Variants in ANXA8 observed in about 807,000 individuals in gnomAD.
ANXA8 encodes VAC-beta.
A neutral mutation model predicts 26.8 loss-of-function variants in ANXA8; 9 were observed. The ratio of observed to expected loss-of-function variants is 0.34; its 90% CI spans 0.20 to 0.59. The LOEUF is 0.59. Ranked by LOEUF, ANXA8 falls within the 20% of genes least tolerant of loss-of-function variation. The pLI is 0.84. For synonymous variants in ANXA8, 39 were observed against 94.8 expected, an observed-to-expected ratio of 0.41 and a Z score of 3.42; for missense variants, 83 against 238.5, an observed-to-expected ratio of 0.35 and a Z score of 4.29.
chr10:47,705,967 G>A, the ANXA8 span, among the ~76,000 whole-genome samples: 1 of 150,948 alleles, frequency 6.6e-6, no homozygotes. Flanking sequence ...GCGAAGAGGG[G>A]CGGTGCTGAC....
chr10:47,587,414 T>C, the ANXA8 span, among the ~76,000 whole-genome samples: 2 of 147,608 alleles, frequency 1.4e-5, no homozygotes, highest in Non-Finnish European at 2.9e-5. Flanking sequence ...CCCATCATCA[T>C]CATGGTCATT....
At chr10:47,497,413 G>A in the ANXA8 span, among the ~76,000 whole-genome samples, 1 of 140,016 alleles carries the variant, frequency 7.1e-6, no homozygotes, top group Non-Finnish European at 1.5e-5. Context: ...GTCAGGAGTT[G>A]GAGACCAGCC....
chr10:47,955,479 T>C, the ANXA8 span, among the ~76,000 whole-genome samples: 2 of 149,912 alleles, frequency 1.3e-5, no homozygotes, highest in Admixed American at 6.6e-5. Context: ...CTCTATGGCA[T>C]AGCCTGTTGC....
chr10:47,983,644 T>TAAACCTTCCCTTGC, the ANXA8 span, among the ~76,000 whole-genome samples: 7 of 71,510 alleles, frequency 9.8e-5, no homozygotes, highest in African/African-American at 3.3e-4. Flanking sequence ...GGTATTTTCC[T>TAAACCTTCCCTTGC]TCTGTACTGA....
chr10:47,749,223 G>C, the ANXA8 span, among the ~76,000 whole-genome samples: 6 of 86,262 alleles, frequency 7.0e-5, no homozygotes, highest in African/African-American at 2.1e-4. Flanking sequence ...GACAGAGTGA[G>C]ACCCTGTCTC....
At chr10:47,932,732 GTCTCTC>G in the ANXA8 span, among the ~76,000 whole-genome samples, 304 of 86,378 alleles carry the variant, frequency 3.5e-3, 11 homozygotes, top group East Asian at 0.061. Flanking sequence ...CTGTCTTTCT[GTCTCTC>G]TCTCTCTCTC....
the ANXA8 span, among the ~76,000 whole-genome samples, chr10:47,686,491 C>T: frequency 3.7e-4 from 57 of 152,006 alleles, no homozygotes; most frequent in African/African-American, 1.2e-3. Context: ...GGATTACAGG[C>T]GTGAGCCAAG....
At chr10:47,900,230 C>A in the ANXA8 span, among the ~76,000 whole-genome samples, 1 of 150,092 alleles carries the variant, frequency 6.7e-6, no homozygotes, top group African/African-American at 2.4e-5. Flanking sequence ...ACTTTCATAT[C>A]AACAACATAC....
the ANXA8 span, among the ~76,000 whole-genome samples, chr10:47,652,223 C>T: frequency 4.6e-5 from 7 of 151,782 alleles, no homozygotes; most frequent in African/African-American, 1.7e-4. Context: ...TAGATGGTTG[C>T]AAAATGTGAA....
the ANXA8 span, among the ~76,000 whole-genome samples, chr10:47,577,238 A>G: frequency 6.8e-6 from 1 of 146,400 alleles, no homozygotes; most frequent in South Asian, 2.1e-4. Flanking sequence ...AAAAAAAAAA[A>G]AAAAACAGGG....
the ANXA8 span, among the ~76,000 whole-genome samples, chr10:47,578,359 T>C: frequency 4.8e-5 from 2 of 41,708 alleles, 1 homozygote; most frequent in Non-Finnish European, 1.0e-4. Context: ...AATGAAAAGA[T>C]ACAAGATAAT....
At chr10:47,969,262 T>G in the ANXA8 span, among the ~76,000 whole-genome samples, 1 of 151,506 alleles carries the variant, frequency 6.6e-6, no homozygotes, top group Non-Finnish European at 1.5e-5. Context: ...GAGAATTGTT[T>G]CAGCTTTCCA....
chr10:47,600,429 AC>A, the ANXA8 span, among the ~76,000 whole-genome samples: 4 of 148,212 alleles, frequency 2.7e-5, no homozygotes, highest in East Asian at 3.9e-4. Flanking sequence ...ATGCCATTCA[AC>A]CCATCGGGAT....
the ANXA8 span, among the ~76,000 whole-genome samples, chr10:47,676,571 G>T: frequency 6.6e-6 from 1 of 151,822 alleles, no homozygotes; most frequent in Non-Finnish European, 1.5e-5. Context: ...GGTGGCACAT[G>T]CTTGAACCCA....
At chr10:47,696,489 TCATCTATTCAGCCTG>T in the ANXA8 span, 1 of 1,372,766 alleles carries the variant, frequency 7.3e-7, no homozygotes, top group South Asian at 1.3e-5. Flanking sequence ...TGGGAGTTAT[TCATCTATTCAGCCTG>T]AAGAATGTAA....
upstream of ANXA8, among the ~76,000 whole-genome samples, chr10:47,486,968 A>C (rs2942997): frequency 6.8e-6 from 1 of 146,146 alleles, no homozygotes; most frequent in Non-Finnish European, 1.5e-5. Flanking sequence ...GCAAGACTCT[A>C]TCTCAAAACA....
upstream of ANXA8, among the ~76,000 whole-genome samples, chr10:47,486,954 C>A (rs1168501778): frequency 2.0e-5 from 3 of 150,714 alleles, no homozygotes; most frequent in Admixed American, 2.0e-4. Flanking sequence ...GCCTGGGCGA[C>A]AGAGCAAGAC....
the ANXA8 span, among the ~76,000 whole-genome samples, chr10:47,694,701 G>A: frequency 4.6e-5 from 7 of 151,840 alleles, no homozygotes; most frequent in African/African-American, 1.5e-4. Context: ...TTACAGGCGC[G>A]AGCCACCGCG....
chr10:47,749,672 A>AG, the ANXA8 span, among the ~76,000 whole-genome samples: 11,583 of 140,116 alleles, frequency 0.083, 752 homozygotes, highest in Admixed American at 0.23. Context: ...AACCAATGGT[A>AG]GGGGGGGAAA....
Sources: allele counts gnomAD v4.1 joint callset (sites outside exome capture counted in the v4.1 genomes callset), GRCh38; gene constraint gnomAD v4.1.1; transcripts MANE v1.5; gene names NCBI Gene and HGNC (gene_info 2026-07-23, HGNC 2026-07-21).